UBE3C: variants seen among roughly 807,000 people sequenced by gnomAD.
UBE3C encodes the protein ubiquitin protein ligase E3C, also known as ubiquitin-protein ligase E3C.
UBE3C carries 42 observed loss-of-function variants against 129.4 expected under a neutral mutation model. The ratio of observed to expected loss-of-function variants is 0.32; its 90% CI spans 0.25 to 0.42. The LOEUF is 0.42. Ranked by LOEUF, UBE3C falls within the 10% of genes least tolerant of loss-of-function variation. The pLI, the probability that UBE3C is intolerant of heterozygous loss-of-function variation, is 1.00. For synonymous variants in UBE3C, 510 were observed against 492.4 expected (o/e 1.04, Z -0.47); for missense variants, 1,049 against 1,319.1 (o/e 0.80, Z 3.17).
chr7:157,139,389 G>A (rs1807359314), intron 1 of UBE3C, 51 bp downstream of exon 1: 2 of 1,510,688 alleles, frequency 1.3e-6, no homozygotes, highest in African/African-American at 1.4e-5. Context: ...GCGCGGCCGG[G>A]GCTCGGGGCT....
intron 6 of UBE3C, among the ~76,000 whole-genome samples, 178 bp downstream of exon 6, chr7:157,179,025 C>T (rs1808598636): frequency 6.6e-6 from 1 of 152,082 alleles, no homozygotes; most frequent in South Asian, 2.1e-4. Flanking sequence ...AAAATCTGTC[C>T]TTGGCTCCAC....
chr7:157,192,639 C>T (rs796842307), intron 10 of UBE3C: 52 of 765,420 alleles, frequency 6.8e-5, no homozygotes, highest in African/African-American at 6.8e-4. Flanking sequence ...GAAGAATAAG[C>T]GCAAGAGAAA....
intron 1 of UBE3C, among the ~76,000 whole-genome samples, chr7:157,142,508 T>C (rs1807481992): frequency 6.6e-6 from 1 of 152,198 alleles, no homozygotes; most frequent in Non-Finnish European, 1.5e-5. Flanking sequence ...TGTTTGGAGC[T>C]TAGTCCTGAA....
chr7:157,254,168 A>G, intron 20 of UBE3C, 26 bp downstream of exon 20: 1 of 1,610,616 alleles, frequency 6.2e-7, no homozygotes, highest in Non-Finnish European at 8.5e-7. Context: ...ACTTTCTGGG[A>G]CACGCTTGTC....
intron 1 of UBE3C, among the ~76,000 whole-genome samples, chr7:157,146,878 T>G (rs1807619459): frequency 6.6e-6 from 1 of 152,190 alleles, no homozygotes; most frequent in Non-Finnish European, 1.5e-5. Flanking sequence ...CTTGAACTCC[T>G]GACCTGAAGT....
At chr7:157,262,573 C>G (rs1427494224) in intron 22 of UBE3C, among the ~76,000 whole-genome samples, 3 of 151,846 alleles carry the variant, frequency 2.0e-5, no homozygotes, top group Non-Finnish European at 2.9e-5. Context: ...CACCTACCAC[C>G]ACCCCCAGCT....
chr7:157,181,807 G>A, intron 7 of UBE3C, 136 bp downstream of exon 7: 1 of 1,208,156 alleles, frequency 8.3e-7, no homozygotes, highest in Non-Finnish European at 1.1e-6. Flanking sequence ...TTAGTTTATA[G>A]GAAAGTGTAC....
chr7:157,259,447 T>G (rs983160344), intron 22 of UBE3C, among the ~76,000 whole-genome samples: 2 of 152,176 alleles, frequency 1.3e-5, no homozygotes, highest in Non-Finnish European at 2.9e-5. Context: ...CACAGTGTGT[T>G]TATGAATGTT....
intron 18 of UBE3C, among the ~76,000 whole-genome samples, chr7:157,246,592 G>A (rs1038292066): frequency 8.5e-5 from 13 of 152,132 alleles, no homozygotes; most frequent in African/African-American, 3.1e-4. Flanking sequence ...GATAAAGAGG[G>A]TCTGGGTCTA....
At chr7:157,243,696 G>T (rs1343886302) in intron 18 of UBE3C, among the ~76,000 whole-genome samples, 1 of 152,124 alleles carries the variant, frequency 6.6e-6, no homozygotes, top group Non-Finnish European at 1.5e-5. Flanking sequence ...AGTTGATGGT[G>T]TAGAAAGCTC....
intron 4 of UBE3C, among the ~76,000 whole-genome samples, chr7:157,174,609 C>T (rs1351760851): frequency 2.0e-5 from 3 of 152,012 alleles, no homozygotes; most frequent in East Asian, 3.9e-4. Flanking sequence ...TGTGCCACCA[C>T]GCTCGGCTAA....
intron 17 of UBE3C, among the ~76,000 whole-genome samples, chr7:157,229,377 C>T (rs1451380476): frequency 6.6e-6 from 1 of 151,960 alleles, no homozygotes; most frequent in Non-Finnish European, 1.5e-5. Context: ...TGCAATGGCA[C>T]AATCTTGACT....
chr7:157,198,160 G>C (rs1343533407), intron 10 of UBE3C: 41 of 1,612,898 alleles, frequency 2.5e-5, no homozygotes, highest in Non-Finnish European at 3.4e-5. Flanking sequence ...CACAGTTTAA[G>C]CAAAATCTGA....
intron 18 of UBE3C, among the ~76,000 whole-genome samples, chr7:157,246,010 A>AAC (rs1554437640): frequency 6.6e-6 from 1 of 151,924 alleles, no homozygotes; most frequent in Non-Finnish European, 1.5e-5. Context: ...AAAAAAAAAA[A>AAC]AAAACAGTGT....
At chr7:157,226,212 CAT>C (rs1267095878) in intron 17 of UBE3C, among the ~76,000 whole-genome samples, 9 of 152,006 alleles carry the variant, frequency 5.9e-5, no homozygotes, top group Non-Finnish European at 1.0e-4. Context: ...CCAAATTAAA[CAT>C]ATTAAAATAA....
intron 10 of UBE3C, chr7:157,197,682 G>A (rs935198675): frequency 8.0e-5 from 128 of 1,609,208 alleles, no homozygotes; most frequent in Non-Finnish European, 5.9e-5. Context: ...CTCTTTATTC[G>A]GAAATGAAGT....
intron 18 of UBE3C, 90 bp from the exon 19 acceptor site, chr7:157,248,278 T>C (rs1584820092): frequency 8.7e-7 from 1 of 1,149,012 alleles, no homozygotes; most frequent in East Asian, 2.4e-5. Context: ...TCTCTTAGGA[T>C]TGGGTTTAAT....
At chr7:157,209,202 C>G (rs1586690122) in intron 13 of UBE3C, among the ~76,000 whole-genome samples, 1 of 152,310 alleles carries the variant, frequency 6.6e-6, no homozygotes, top group Non-Finnish European at 1.5e-5. Flanking sequence ...TATTCATCCT[C>G]CAAGTCCACG....
At chr7:157,264,217 G>A (rs1397564617) in intron 22 of UBE3C, among the ~76,000 whole-genome samples, 1 of 149,898 alleles carries the variant, frequency 6.7e-6, no homozygotes, top group Non-Finnish European at 1.5e-5. Context: ...TTACAGGGGT[G>A]CGCCAACATG....
Sources: gnomAD v4.1 joint callset for allele counts (sites outside exome capture counted in the v4.1 genomes callset) on GRCh38, gnomAD v4.1.1 for gene constraint, MANE v1.5 for transcripts, NCBI Gene and HGNC (gene_info 2026-07-23, HGNC 2026-07-21) for gene names.